Variants in CHD7 observed in about 807,000 individuals in gnomAD.
The protein encoded by CHD7 is chromodomain helicase DNA binding protein 7, also known as ATP-dependent chromatin remodeler CHD7.
CHD7 carries 24 observed loss-of-function variants against 307.3 expected under a neutral mutation model. The observed-to-expected ratio is 0.08, with a 90% CI of 0.06 to 0.11. The LOEUF (loss-of-function observed/expected upper bound fraction) is 0.11, where lower values mean the gene tolerates loss of function less well. Among genes scored for constraint, CHD7 ranks in the 10% least tolerant of loss-of-function variants. The probability of loss-of-function intolerance (pLI) is 1.00; values close to 1 mark genes in which losing one functional copy is unlikely to be tolerated. For missense variants in CHD7, 3,106 were observed against 3,727.1 expected, an observed-to-expected ratio of 0.83 and a Z score of 4.34; for synonymous variants, 1,363 against 1,349.9, an observed-to-expected ratio of 1.01 and a Z score of -0.21.
chr8:60,797,393 T>A (rs1290969778), intron 4 of CHD7, among the ~76,000 whole-genome samples: 1 of 152,228 alleles, frequency 6.6e-6, no homozygotes. Flanking sequence ...AAAGTTGATA[T>A]CAGGAGGAAC....
intron 2 of CHD7, among the ~76,000 whole-genome samples, chr8:60,766,361 G>A (rs1044033340): frequency 1.3e-5 from 2 of 152,260 alleles, no homozygotes; most frequent in African/African-American, 2.4e-5. Flanking sequence ...GCAGGCCATG[G>A]TGAGGTGAGG....
Position 60,741,853 on chromosome 8 carries a change from A to T in CHD7, c.421A>T (p.Ser141Cys), listed in dbSNP as rs905235341. The stretch of plus-strand genomic sequence containing the variant: ...GAGGCATGGGCAATCCTTTGTGGAC[A>T]GCAGCTCCATGTGGGGCCCCAGGGC... ...NERHGQSFVD[S>C]SSMWGPRAVQ... Residue 141 changes from serine to cysteine, a missense_variant, in exon 2 of 38, where the codon AGC becomes TGC. Around this residue, in one of 10 missense-constraint regions of CHD7, gnomAD observed 998 missense variants for 1,004.5 expected, o/e 0.99. Transcript: ENST00000423902. 7 of 1,613,772 alleles carry T rather than the reference A, an allele frequency of 4.3e-6. No homozygotes were observed. Among genetic ancestry groups the T allele is most frequent in the Non-Finnish European group, 5.1e-6 (6 of 1,179,860 alleles).
At chr8:60,850,817 T>C (rs1805419122) in intron 26 of CHD7, 195 bp downstream of exon 26, 1 of 737,548 alleles carries the variant, frequency 1.4e-6, no homozygotes, top group African/African-American at 1.8e-5. Context: ...CTGAAACTTG[T>C]TTTTCTTTTC....
intron 1 of CHD7, among the ~76,000 whole-genome samples, chr8:60,688,807 C>T (rs1457913654): frequency 6.6e-6 from 1 of 152,174 alleles, no homozygotes; most frequent in African/African-American, 2.4e-5. Context: ...TTGATCAGCT[C>T]TGGGATATTA....
intron 1 of CHD7, among the ~76,000 whole-genome samples, chr8:60,686,751 ATCC>A (rs567803249): frequency 9.5e-4 from 145 of 152,222 alleles, no homozygotes; most frequent in African/African-American, 3.4e-3. Context: ...TTTCCCTAGT[ATCC>A]TCAGTGTAAA....
intron 3 of CHD7, among the ~76,000 whole-genome samples, chr8:60,791,508 G>A (rs375635759): frequency 5.3e-5 from 8 of 152,330 alleles, no homozygotes; most frequent in African/African-American, 1.9e-4. Context: ...ACCTAGAACA[G>A]TGGCCCTTTT....
chr8:60,715,739 A>G (rs1408113281), intron 1 of CHD7, among the ~76,000 whole-genome samples: 4 of 151,890 alleles, frequency 2.6e-5, no homozygotes, highest in African/African-American at 9.7e-5. Context: ...TTTCTCCTGT[A>G]TATGGCAATA....
chr8:60,830,188 T>A (rs1382365979), intron 14 of CHD7, 134 bp from the exon 15 acceptor site: 1 of 878,684 alleles, frequency 1.1e-6, no homozygotes, highest in African/African-American at 1.7e-5. Flanking sequence ...ATGAGCTCCT[T>A]CATACTCTCA....
chr8:60,794,079 G>A (rs1811899719), intron 3 of CHD7, among the ~76,000 whole-genome samples: 1 of 152,044 alleles, frequency 6.6e-6, no homozygotes, highest in African/African-American at 2.4e-5. Flanking sequence ...CCAAGATCAC[G>A]CCGTTGCATT....
intron 7 of CHD7, among the ~76,000 whole-genome samples, chr8:60,812,545 T>G (rs1812861256): frequency 6.6e-6 from 1 of 151,270 alleles, no homozygotes; most frequent in African/African-American, 2.4e-5. Flanking sequence ...GTGCCTGTAA[T>G]CCCAGCTACT....
At chr8:60,851,378 A>G in intron 28 of CHD7, 59 bp downstream of exon 28, 1 of 1,288,558 alleles carries the variant, frequency 7.8e-7, no homozygotes, top group Non-Finnish European at 1.1e-6. Context: ...GTCATTGTTC[A>G]CGTGGTAGGG....
intron 7 of CHD7, among the ~76,000 whole-genome samples, chr8:60,814,506 C>T (rs181081623): frequency 7.7e-4 from 117 of 152,270 alleles, no homozygotes; most frequent in Non-Finnish European, 1.3e-3. Context: ...AATGCAGTGG[C>T]GTGATCTCAG....
intron 1 of CHD7, among the ~76,000 whole-genome samples, chr8:60,722,986 C>T (rs987106850): frequency 1.3e-5 from 2 of 152,152 alleles, no homozygotes; most frequent in Non-Finnish European, 2.9e-5. Context: ...CTCTATTGGT[C>T]TATCTTGCAC....
chr8:60,845,782 A>G (rs1406858950), intron 23 of CHD7, among the ~76,000 whole-genome samples: 2 of 152,216 alleles, frequency 1.3e-5, no homozygotes, highest in African/African-American at 4.8e-5. Context: ...TGAACAATTC[A>G]TTGGCATTAA....
chr8:60,752,034 A>G (rs950455641), intron 2 of CHD7, among the ~76,000 whole-genome samples: 3 of 152,050 alleles, frequency 2.0e-5, no homozygotes, highest in African/African-American at 7.2e-5. Context: ...GAAGACTATA[A>G]TATTTGTGAT....
At chr8:60,764,108 C>G (rs1048028223) in intron 2 of CHD7, among the ~76,000 whole-genome samples, 1 of 152,166 alleles carries the variant, frequency 6.6e-6, no homozygotes, top group Non-Finnish European at 1.5e-5. Context: ...CCGCCTAAGC[C>G]TCCCGAGTAG....
rs1806175791 is a variant in CHD7 at position 60,865,065 on chromosome 8, T to C, written c.8126T>C (p.Val2709Ala). The C allele has an allele frequency of 6.2e-7, 1 of 1,609,482 alleles. No individual in the cohort carries two copies. The highest frequency in any genetic ancestry group is 8.5e-7 in the Non-Finnish European group (1 of 1,177,854). The stretch of plus-strand genomic sequence containing the variant: ...GACCGCCTTCTCACTGGGCCTGTAG[T>C]GCGGGGAGAGGGAGCGAGCAGAAGA... ...MFDRLLTGPV[V>A]RGEGASRRGR... Residue 2709 changes from valine (V) to alanine (A), a missense_variant, in exon 38 of 38, where the codon GTG becomes GCG. By Grantham distance (64) the Val-to-Ala change is moderately conservative (BLOSUM62 0). Transcript: ENST00000423902. This position sits in a 1 kb window ranked among gnomAD's most constrained non-coding sequence, Gnocchi z 4.3.
chr8:60,745,120 AG>A (rs1239604464), intron 2 of CHD7, among the ~76,000 whole-genome samples: 1 of 151,996 alleles, frequency 6.6e-6, no homozygotes, highest in Non-Finnish European at 1.5e-5. Context: ...GCGGACCAAA[AG>A]TACTGTCTCT....
At chr8:60,828,274 A>G (rs1378741370) in intron 13 of CHD7, among the ~76,000 whole-genome samples, 2 of 152,174 alleles carry the variant, frequency 1.3e-5, no homozygotes, top group African/African-American at 2.4e-5. Context: ...AGATGAGAGC[A>G]CTGTTGATGT....
Sources: gnomAD v4.1 joint callset for allele counts (sites outside exome capture counted in the v4.1 genomes callset) on GRCh38, gnomAD v4.1.1 for gene constraint, gnomAD v4.1.1 regional missense constraint, Gnocchi (gnomAD v3.1) non-coding constraint, MANE v1.5 for transcripts, NCBI Gene and HGNC (gene_info 2026-07-23, HGNC 2026-07-21) for gene names.